Variants in CPSF4L observed in about 807,000 individuals in gnomAD.
CPSF4L encodes putative cleavage and polyadenylation specificity factor subunit 4-like protein.
In CPSF4L, 18 loss-of-function variants were observed where a neutral mutation model predicts 24.0. The ratio of observed to expected loss-of-function variants is 0.75; its 90% CI spans 0.52 to 1.11. The LOEUF (loss-of-function observed/expected upper bound fraction) is 1.11, where lower values mean the gene tolerates loss of function less well. Among genes scored for constraint, CPSF4L ranks in the 50% least tolerant of loss-of-function variants. CPSF4L has a pLI of 0.00. For missense variants in CPSF4L, 211 were observed against 221.8 expected, an observed-to-expected ratio of 0.95 and a Z score of 0.31; for synonymous variants, 72 against 77.2, an observed-to-expected ratio of 0.93 and a Z score of 0.35.
upstream of CPSF4L, chr17:73,261,892 C>G (rs1359489681): frequency 2.3e-4 from 255 of 1,126,304 alleles, 2 homozygotes; most frequent in Non-Finnish European, 3.7e-5. Context: ...CATCAGAGGC[C>G]CTTAAGGGGC....
chr17:73,246,323 G>A (rs1263822465), downstream of CPSF4L, among the ~76,000 whole-genome samples: 1 of 152,056 alleles, frequency 6.6e-6, no homozygotes, highest in African/African-American at 2.4e-5. Context: ...CATGAAGTCA[G>A]GAGTTCAGGA....
chr17:73,250,667 A>G (rs2062001590), intron 5 of CPSF4L, among the ~76,000 whole-genome samples: 1 of 152,206 alleles, frequency 6.6e-6, no homozygotes, highest in African/African-American at 2.4e-5. Flanking sequence ...AGAAAAAGGA[A>G]CCAGGTGATA....
downstream of CPSF4L, among the ~76,000 whole-genome samples, chr17:73,243,462 G>C (rs900632646): frequency 1.3e-5 from 2 of 151,676 alleles, no homozygotes; most frequent in Non-Finnish European, 2.9e-5. Context: ...CAGGCTCCGG[G>C]GTTTTATTAG....
intron 3 of CPSF4L, among the ~76,000 whole-genome samples, chr17:73,257,238 T>G (rs1330834197): frequency 6.6e-6 from 1 of 151,964 alleles, no homozygotes; most frequent in Non-Finnish European, 1.5e-5. Context: ...AAAGTAAGAG[T>G]TAAAATAGCA....
At chr17:73,252,774 A>G (rs2062010730) in intron 4 of CPSF4L, 51 bp from the exon 5 acceptor site, 2 of 1,335,622 alleles carry the variant, frequency 1.5e-6, no homozygotes, top group Admixed American at 2.2e-5. Context: ...GCAAGAGGGG[A>G]AAACACACAT....
intron 5 of CPSF4L, chr17:73,250,334 T>G (rs200591399): frequency 1.5e-5 from 23 of 1,550,006 alleles, no homozygotes; most frequent in Admixed American, 2.0e-5. Flanking sequence ...TGGCATGACT[T>G]TTTGTAAATT....
chr17:73,250,865 A>C, intron 5 of CPSF4L: 1 of 815,702 alleles, frequency 1.2e-6, no homozygotes, highest in Non-Finnish European at 1.8e-6. Flanking sequence ...CCTAATTCAC[A>C]CTCCTATCTG....
chr17:73,251,043 G>A (rs1358754462), intron 5 of CPSF4L: 7 of 1,549,940 alleles, frequency 4.5e-6, no homozygotes, highest in Non-Finnish European at 6.1e-6. Flanking sequence ...TGGGGATGGG[G>A]GTTTCCAAGC....
At chr17:73,242,816 C>A in the CPSF4L span, 2 of 1,104,232 alleles carry the variant, frequency 1.8e-6, no homozygotes, top group Non-Finnish European at 2.7e-6. Context: ...CTCAGGCTAA[C>A]TGGGAAAACT....
At chr17:73,245,832 A>T, downstream of CPSF4L, 1 of 594,088 alleles carries the variant, frequency 1.7e-6, no homozygotes, top group Non-Finnish European at 2.1e-6. Flanking sequence ...TGAGTATAAT[A>T]ATGAACCGGT....
chr17:73,261,596 G>A (rs2062046448), intron 1 of CPSF4L, 120 bp downstream of exon 1: 2 of 717,680 alleles, frequency 2.8e-6, no homozygotes, highest in Admixed American at 2.3e-5. Context: ...AGGAGGCAGA[G>A]CTTGCAATGA....
chr17:73,258,604 G>A (rs2062032558), intron 2 of CPSF4L, among the ~76,000 whole-genome samples: 1 of 151,970 alleles, frequency 6.6e-6, no homozygotes, highest in African/African-American at 2.4e-5. Context: ...GACTGGCCAG[G>A]GCAAGCTCTT....
chr17:73,255,787 GAGATA>G (rs2062022862), intron 3 of CPSF4L, among the ~76,000 whole-genome samples: 1 of 152,016 alleles, frequency 6.6e-6, no homozygotes, highest in African/African-American at 2.4e-5. Context: ...TTGATGGATG[GAGATA>G]ACAGAAAGTC....
intron 4 of CPSF4L, 71 bp downstream of exon 4, chr17:73,253,860 C>A: frequency 2.0e-6 from 2 of 1,003,104 alleles, no homozygotes; most frequent in Non-Finnish European, 1.5e-6. Flanking sequence ...AGGAAAATGG[C>A]CCCTCCCCTG....
In CPSF4L at chr17:73,252,618, G is replaced by T; in HGVS notation, c.497+12C>A. 6.6e-7 allele frequency: 1 copy of T among 1,509,602 alleles called. No homozygotes were observed. The allele number at this position is 1,509,602 out of a possible 1,614,324, so 93.5% of individuals were successfully genotyped here. On this transcript the variant is annotated intron_variant, in intron 5 of 5. Transcript: ENST00000344935. ...CTCTGGTGGGAGTTGGTAACTGAGG[G>T]ATCATACTTACTGAGCAAATTGGCA... is the stretch of plus-strand genomic sequence containing the variant.
the CPSF4L span, chr17:73,242,416 C>G: frequency 8.7e-7 from 1 of 1,144,918 alleles, no homozygotes; most frequent in East Asian, 2.5e-5. Context: ...AGTTTCTCTT[C>G]GGGCTGTTAA....
the CPSF4L span, chr17:73,243,014 C>G: frequency 1.9e-6 from 3 of 1,593,934 alleles, no homozygotes; most frequent in Non-Finnish European, 2.6e-6. Context: ...GTAAGTCTTT[C>G]TATATTTCTA....
intron 1 of CPSF4L, among the ~76,000 whole-genome samples, chr17:73,261,457 T>C (rs6501616): frequency 0.13 from 19,498 of 151,906 alleles, 1,743 homozygotes; most frequent in East Asian, 0.27. Flanking sequence ...GTCAGGAGAT[T>C]GAGACCATCC....
chr17:73,257,065 C>T (rs898048931), intron 3 of CPSF4L, among the ~76,000 whole-genome samples: 1 of 152,044 alleles, frequency 6.6e-6, no homozygotes, highest in African/African-American at 2.4e-5. Flanking sequence ...ACAAAGGATG[C>T]CTTGAAGCCA....
Sources: gnomAD v4.1 joint callset for allele counts (sites outside exome capture counted in the v4.1 genomes callset) on GRCh38, gnomAD v4.1.1 for gene constraint, MANE v1.5 for transcripts, NCBI Gene and HGNC (gene_info 2026-07-23, HGNC 2026-07-21) for gene names.